Variants in LRRC4B observed in about 807,000 individuals in gnomAD.
LRRC4B encodes the protein leucine rich repeat containing 4B, also known as leucine-rich repeat-containing protein 4B.
Under a neutral mutation model 7.3 loss-of-function variants are expected in LRRC4B, and 1 was observed. The ratio of observed to expected loss-of-function variants is 0.14; its 90% CI spans 0.05 to 0.65. The LOEUF (loss-of-function observed/expected upper bound fraction) is 0.65, where lower values mean the gene tolerates loss of function less well. LRRC4B is among the 30% of genes least tolerant of loss of function. LRRC4B has a pLI of 0.84. For missense variants in LRRC4B, 730 were observed against 1,041.6 expected, an observed-to-expected ratio of 0.70 and a Z score of 4.12; for synonymous variants, 500 against 499.2, an observed-to-expected ratio of 1.00 and a Z score of -0.02.
intron 2 of LRRC4B, among the ~76,000 whole-genome samples, chr19:50,546,968 G>A (rs896169715): frequency 1.3e-5 from 2 of 152,198 alleles, no homozygotes; most frequent in African/African-American, 2.4e-5. Context: ...TGCCTGGCTC[G>A]GTCACCACCC....
At chr19:50,561,213 C>A (rs933263315) in intron 1 of LRRC4B, among the ~76,000 whole-genome samples, 3 of 147,238 alleles carry the variant, frequency 2.0e-5, no homozygotes, top group African/African-American at 7.4e-5. Context: ...TCCAGCATTT[C>A]TGGCTGGATC....
intron 1 of LRRC4B, among the ~76,000 whole-genome samples, chr19:50,562,876 G>A (rs557504779): frequency 1.8e-4 from 28 of 152,080 alleles, no homozygotes; most frequent in Non-Finnish European, 3.4e-4. Flanking sequence ...GAGTAGCTGG[G>A]ATTACAGACT....
intron 2 of LRRC4B, among the ~76,000 whole-genome samples, chr19:50,542,971 G>A (rs780835659): frequency 4.6e-5 from 7 of 152,076 alleles, no homozygotes; most frequent in South Asian, 2.1e-4. Context: ...TGCCCACACC[G>A]CACCCAGGCC....
rs118074943 is a variant in LRRC4B, at chr19:50,549,627, G to A, written c.-35-754C>T. On this transcript the variant is annotated intron_variant, in intron 1 of 2. Coordinates refer to ENST00000652263, the MANE Select transcript of LRRC4B (RefSeq NM_001080457.2). ...AGGTAAGGTGGCAGACAAGGCAACC[G>A]TGGAGGTGACAGGTGTGGGCAGGTG... Among the ~76,000 whole-genome samples, 87 of 152,384 alleles carry A rather than the reference G, an allele frequency of 5.7e-4. 5 individuals are homozygous for A. In the East Asian group the frequency reaches 0.015, roughly 26 times the overall value.
intron 2 of LRRC4B, among the ~76,000 whole-genome samples, chr19:50,536,787 G>T (rs1981313000): frequency 6.6e-6 from 1 of 152,194 alleles, no homozygotes; most frequent in Non-Finnish European, 1.5e-5. Flanking sequence ...ACTATTTAAA[G>T]GCAGGGCAAG....
intron 1 of LRRC4B, among the ~76,000 whole-genome samples, chr19:50,551,786 GTC>G (rs941448175): frequency 2.6e-5 from 4 of 151,324 alleles, no homozygotes; most frequent in African/African-American, 4.9e-5. Flanking sequence ...GGCTCTGTCT[GTC>G]TCTCTCTTTC....
chr19:50,539,863 G>C (rs1981465353), intron 2 of LRRC4B, among the ~76,000 whole-genome samples: 1 of 150,208 alleles, frequency 6.7e-6, no homozygotes, highest in Admixed American at 6.6e-5. Context: ...CTCCAGCCTG[G>C]GGGACAGTGC....
rs1287381708 is a variant in LRRC4B, at chr19:50,556,609, G to T, written c.-35-7736C>A. Among the ~76,000 whole-genome samples, 3 of 152,164 alleles carry T rather than the reference G, an allele frequency of 2.0e-5. No individual in the cohort carries two copies. Among genetic ancestry groups the T allele is most frequent in the Admixed American group, 6.5e-5 (1 of 15,278 alleles). ...CCCAGCACCTGATGCTCGGTGATTTGTTCCTGCGTTCATTGCCTGCCTTCC... is the reference window on the plus strand; with the variant it reads ...CCCAGCACCTGATGCTCGGTGATTTTTTCCTGCGTTCATTGCCTGCCTTCC... On this transcript the variant is annotated intron_variant, in intron 1 of 2. Transcript: ENST00000652263. The surrounding 1 kb of genome is among the most constrained non-coding windows in gnomAD (Gnocchi z 4.2).
At position 50,555,083 on chromosome 19, in the gene LRRC4B, A is replaced by G. The variant is rs1326799776; in HGVS notation, c.-35-6210T>C. ...TTCACGCCCGGCTGGCAGAGGCTCC[A>G]TGGACTGCCCTCTGCCCCCACGCAC... On this transcript the variant is annotated intron_variant, in intron 1 of 2. Coordinates refer to ENST00000652263, the MANE Select transcript of LRRC4B (RefSeq NM_001080457.2). The surrounding 1 kb of genome is among the most constrained non-coding windows in gnomAD (Gnocchi z 5.2). 6.6e-6 allele frequency among the ~76,000 whole-genome samples: 1 copy of G among 152,180 alleles called. No individual in the cohort carries two copies.
chr19:50,517,667 GCC>G lies in LRRC4B; in HGVS notation c.2044_2045del (p.Gly682LeufsTer55), dbSNP rs763221811. On this transcript the variant is annotated frameshift_variant, in exon 3 of 3. Transcript: ENST00000652263. LOFTEE classifies it low-confidence loss of function (END_TRUNC). The surrounding 1 kb of genome is among the most constrained non-coding windows in gnomAD (Gnocchi z 6.6). The stretch of plus-strand genomic sequence containing the variant: ...GGCCAGGCGGGCCTTTGCCCCCGCA[GCC>G]CCCGCCGCTGGGGTTGCTGCTGTAG... ...AHYSSNPSGG[G>X]CGGKGPPGLN... The G allele has an allele frequency of 6.6e-7, 1 of 1,521,856 alleles. No homozygotes were observed. The highest frequency in any genetic ancestry group is 8.8e-7 in the Non-Finnish European group (1 of 1,138,476). The allele number at this position is 1,521,856 out of a possible 1,614,324, so 94.3% of individuals were successfully genotyped here. A position where few individuals can be genotyped will look rare whatever the true frequency, so the allele number is the denominator to read the frequency against.
intron 1 of LRRC4B, among the ~76,000 whole-genome samples, chr19:50,559,022 C>A (rs1982376483): frequency 6.6e-6 from 1 of 152,246 alleles, no homozygotes; most frequent in South Asian, 2.1e-4. Context: ...ATGGCGAGAG[C>A]TGCTGCTGCC....
In LRRC4B at chr19:50,563,043, G is replaced by A. The variant is rs1342117496; in HGVS notation, c.-36+4901C>T. Among the ~76,000 whole-genome samples the A allele has an allele frequency of 6.6e-6, 1 of 152,038 alleles. No homozygotes were observed. Among genetic ancestry groups the A allele is most frequent in the Non-Finnish European group, 1.5e-5 (1 of 67,998 alleles). On this transcript the variant is annotated intron_variant, in intron 1 of 2. Transcript: ENST00000652263. The surrounding 1 kb of genome is among the most constrained non-coding windows in gnomAD (Gnocchi z 4.9). ...GAGCCACCATGCCTGGCCTGTCTCT[G>A]TCTAGGTCTCTCAACCTCCCACCAG...
chr19:50,559,605 G>A (rs961555356), intron 1 of LRRC4B, among the ~76,000 whole-genome samples: 4 of 152,242 alleles, frequency 2.6e-5, no homozygotes, highest in Middle Eastern at 3.2e-3. Context: ...AGGCAGTGGG[G>A]CGTGAGAGCG....
intron 2 of LRRC4B, among the ~76,000 whole-genome samples, chr19:50,541,805 C>T (rs1004372698): frequency 6.6e-6 from 1 of 152,148 alleles, no homozygotes; most frequent in African/African-American, 2.4e-5. Context: ...AATGATCATG[C>T]AGCTCCCAGA....
rs375641523 is a variant in LRRC4B, at chr19:50,517,550, C to T, written c.*21G>A. On this transcript the variant is annotated 3_prime_UTR_variant, in exon 3 of 3. Transcript: ENST00000652263. The surrounding 1 kb of genome is among the most constrained non-coding windows in gnomAD (Gnocchi z 6.6). ...CCTGGGTGGGGGGCTCCACGCCCCT[C>T]GCCCGCCCGGCCCCGCCGCCTCAGA... 2,318 of 1,414,648 alleles carry T rather than the reference C, an allele frequency of 1.6e-3. 5 individuals are homozygous for T. The highest frequency in any genetic ancestry group is 2.8e-3 in the Middle Eastern group (11 of 3,948). The allele number at this position is 1,414,648 out of a possible 1,614,324, so 87.6% of individuals were successfully genotyped here. A position where few individuals can be genotyped will look rare whatever the true frequency, so the allele number is the denominator to read the frequency against.
intron 1 of LRRC4B, among the ~76,000 whole-genome samples, chr19:50,558,647 G>T (rs111237041): frequency 6.6e-6 from 1 of 152,260 alleles, no homozygotes; most frequent in African/African-American, 2.4e-5. Context: ...AGCACGTGAC[G>T]TATGTCGAGA....
At chr19:50,524,941 A>C (rs1441902008) in intron 2 of LRRC4B, among the ~76,000 whole-genome samples, 1 of 152,164 alleles carries the variant, frequency 6.6e-6, no homozygotes, top group African/African-American at 2.4e-5. Flanking sequence ...AAGAACAAGG[A>C]CTGTGATCGC....
At chr19:50,554,166 T>A (rs1982196378) in intron 1 of LRRC4B, among the ~76,000 whole-genome samples, 2 of 151,958 alleles carry the variant, frequency 1.3e-5, no homozygotes, top group African/African-American at 4.8e-5. Flanking sequence ...CTAATTTTTG[T>A]ATTTTAAGTT....
chr19:50,518,614 C>T lies in LRRC4B; in HGVS notation c.1099G>A (p.Val367Met). The change falls in exon 3 of 3, where the codon GTG becomes ATG. Residue 367 changes from valine (V) to methionine (M), a missense_variant. Around this residue, in one of 6 missense-constraint regions of LRRC4B, gnomAD observed 226 missense variants for 448.0 expected, o/e 0.50. Coordinates refer to ENST00000652263, the MANE Select transcript of LRRC4B (RefSeq NM_001080457.2). ...ACGTTGAGGTCCGTGGGCGGCTCCA[C>T]GATGACGGGCGCATAGCAGGTGAAA... Reference protein sequence around the residue: ...SHFTCYAPVIVEPPTDLNVTE... With the variant: ...SHFTCYAPVIMEPPTDLNVTE... The T allele has an allele frequency of 1.2e-6, 2 of 1,602,560 alleles. No individual in the cohort carries two copies. The highest frequency in any genetic ancestry group is 1.7e-6 in the Non-Finnish European group (2 of 1,172,368).
Sources: allele counts gnomAD v4.1 joint callset (sites outside exome capture counted in the v4.1 genomes callset), GRCh38; gene constraint gnomAD v4.1.1; regional missense constraint gnomAD v4.1.1; non-coding constraint Gnocchi (gnomAD v3.1); transcripts MANE v1.5; gene names NCBI Gene and HGNC (gene_info 2026-07-23, HGNC 2026-07-21).